Variants in ADGRV1 observed in about 807,000 individuals in gnomAD.
ADGRV1 encodes the protein adhesion G protein-coupled receptor V1, also known as G-protein coupled receptor 98.
Under a neutral mutation model 596.2 loss-of-function variants are expected in ADGRV1, and 359 were observed. The ratio of observed to expected loss-of-function variants is 0.60; its 90% CI spans 0.55 to 0.66. The LOEUF is 0.66. ADGRV1 is among the 30% of genes least tolerant of loss of function. The probability of loss-of-function intolerance (pLI) is 0.00; values close to 1 mark genes in which losing one functional copy is unlikely to be tolerated. For missense variants in ADGRV1, 7,274 were observed against 7,575.6 expected, an observed-to-expected ratio of 0.96 and a Z score of 1.48; for synonymous variants, 2,681 against 2,679.2, an observed-to-expected ratio of 1.00 and a Z score of -0.02.
intron 9 of ADGRV1, chr5:90,629,749 A>C (rs1315140522): frequency 2.4e-6 from 1 of 418,968 alleles, no homozygotes; most frequent in Non-Finnish European, 4.2e-6. Context: ...ACCAAAGTTA[A>C]TATTTTAATT....
chr5:90,723,419 T>G (rs897426979), intron 45 of ADGRV1, among the ~76,000 whole-genome samples: 3 of 152,132 alleles, frequency 2.0e-5, no homozygotes, highest in Admixed American at 6.5e-5. Flanking sequence ...AAAAAGAAAG[T>G]CTGGTTTCTA....
intron 1 of ADGRV1, among the ~76,000 whole-genome samples, chr5:90,559,842 G>A (rs1208862591): frequency 6.6e-6 from 1 of 151,806 alleles, no homozygotes; most frequent in African/African-American, 2.4e-5. Flanking sequence ...TTCTCCCTTT[G>A]TGTGTCATTT....
intron 49 of ADGRV1, 77 bp from the exon 50 acceptor site, chr5:90,729,565 A>G: frequency 1.8e-6 from 2 of 1,093,594 alleles, no homozygotes; most frequent in Non-Finnish European, 2.6e-6. Context: ...TATTTTTATT[A>G]TAGTTTTATT....
intron 83 of ADGRV1, among the ~76,000 whole-genome samples, chr5:90,924,722 A>C (rs1774246141): frequency 6.6e-6 from 1 of 152,130 alleles, no homozygotes; most frequent in Non-Finnish European, 1.5e-5. Flanking sequence ...CTGTGTCCTG[A>C]ATGGTAATGC....
intron 1 of ADGRV1, among the ~76,000 whole-genome samples, chr5:90,601,791 TGGGTA>T (rs956085466): frequency 1.3e-5 from 2 of 152,196 alleles, no homozygotes; most frequent in Non-Finnish European, 2.9e-5. Context: ...GTCTAAATTC[TGGGTA>T]ACAGTTTATA....
At chr5:90,691,149 T>G in intron 31 of ADGRV1, 108 bp downstream of exon 31, 1 of 1,357,012 alleles carries the variant, frequency 7.4e-7, no homozygotes, top group Non-Finnish European at 1.1e-6. Context: ...AATAAATTAT[T>G]CCTGCAAGAA....
intron 33 of ADGRV1, 94 bp from the exon 34 acceptor site, chr5:90,696,843 A>G: frequency 1.2e-6 from 1 of 834,920 alleles, no homozygotes; most frequent in Non-Finnish European, 1.8e-6. Context: ...ATTTTTATTT[A>G]ACTTTTAAAC....
chr5:91,139,472 C>A (rs1359442131), intron 87 of ADGRV1, among the ~76,000 whole-genome samples: 1 of 152,160 alleles, frequency 6.6e-6, no homozygotes. Flanking sequence ...GGAAAGCACA[C>A]CACCCTAGTC....
chr5:90,806,807 A>G (rs1761941726), intron 72 of ADGRV1, among the ~76,000 whole-genome samples: 1 of 152,130 alleles, frequency 6.6e-6, no homozygotes. Flanking sequence ...TGGAAAGTAC[A>G]GTGAACACCC....
In ADGRV1 at chr5:90,651,475, A is replaced by G. The variant is rs1315521801; in HGVS notation, c.3290-129A>G. 4 of 714,404 alleles carry G rather than the reference A, an allele frequency of 5.6e-6. No individual in the cohort carries two copies. In the East Asian group the frequency reaches 1.2e-4, roughly 21 times the overall value. The allele number at this position is 714,404 out of a possible 1,614,324, so 44.3% of individuals were successfully genotyped here. A position where few individuals can be genotyped will look rare whatever the true frequency, so the allele number is the denominator to read the frequency against. ...TGGAGCAGTATTTTGCATTTATTAT[A>G]TGACCTTCAGTGAGGAAATTCTTGC... On this transcript the variant is annotated intron_variant, in intron 17 of 89. Transcript: ENST00000405460.
chr5:90,635,004 T>A, intron 9 of ADGRV1, 110 bp from the exon 10 acceptor site: 1 of 630,920 alleles, frequency 1.6e-6, no homozygotes, highest in Non-Finnish European at 2.7e-6. Context: ...ATTGCGAAGT[T>A]ATTGGTGACC....
At chr5:90,914,119 T>C (rs1370675961) in intron 83 of ADGRV1, among the ~76,000 whole-genome samples, 1 of 152,176 alleles carries the variant, frequency 6.6e-6, no homozygotes, top group Non-Finnish European at 1.5e-5. Flanking sequence ...CAGAAATATT[T>C]TGGATGTGGG....
At chr5:91,126,784 G>T (rs1793797392) in intron 87 of ADGRV1, among the ~76,000 whole-genome samples, 1 of 152,122 alleles carries the variant, frequency 6.6e-6, no homozygotes, top group South Asian at 2.1e-4. Flanking sequence ...CTGTGAAATG[G>T]CTCTGTCATT....
At chr5:91,082,650 A>G (rs561698824) in intron 86 of ADGRV1, among the ~76,000 whole-genome samples, 78 of 152,286 alleles carry the variant, frequency 5.1e-4, no homozygotes, top group African/African-American at 1.8e-3. Context: ...GTATGTATAA[A>G]ACTTGACTAG....
intron 82 of ADGRV1, among the ~76,000 whole-genome samples, chr5:90,863,187 A>G (rs1014088276): frequency 2.6e-5 from 4 of 152,232 alleles, no homozygotes; most frequent in African/African-American, 7.2e-5. Flanking sequence ...AAAATCTAAC[A>G]TTAAAAGAAA....
At chr5:90,830,595 T>C (rs1470756227) in intron 77 of ADGRV1, among the ~76,000 whole-genome samples, 1 of 152,174 alleles carries the variant, frequency 6.6e-6, no homozygotes, top group Non-Finnish European at 1.5e-5. Context: ...TATTTATTTA[T>C]ATGTTTTCTA....
intron 85 of ADGRV1, among the ~76,000 whole-genome samples, chr5:90,989,678 C>T (rs1780805606): frequency 6.6e-6 from 1 of 152,168 alleles, no homozygotes; most frequent in Admixed American, 6.5e-5. Flanking sequence ...CTTTTGTTAC[C>T]TTCAAGGTTG....
rs962366447 is a variant in ADGRV1 at position 90,679,702 on chromosome 5, A to G, written c.5524+73A>G. ...ACTTCTCATTTTAGAGACAATACTA[A>G]CCACTTATTGACACCTACTATGTGT... On this transcript the variant is annotated intron_variant, in intron 26 of 89. Coordinates refer to ENST00000405460, the MANE Select transcript of ADGRV1 (RefSeq NM_032119.4). The G allele has an allele frequency of 1.0e-5, 10 of 976,958 alleles. No homozygotes were observed. In the African/African-American group the frequency reaches 1.6e-4, roughly 16 times the overall value. The allele number at this position is 976,958 out of a possible 1,614,324, so 60.5% of individuals were successfully genotyped here. A position where few individuals can be genotyped will look rare whatever the true frequency, so the allele number is the denominator to read the frequency against.
chr5:90,685,773 C>CT lies in ADGRV1; in HGVS notation c.6275-4dup. The CT allele has an allele frequency of 6.3e-7, 1 of 1,597,626 alleles. No homozygotes were observed. The highest frequency in any genetic ancestry group is 8.5e-7 in the Non-Finnish European group (1 of 1,173,298). On this transcript the variant is annotated splice_region_variant and splice_polypyrimidine_tract_variant and intron_variant, in intron 28 of 89. Coordinates refer to ENST00000405460, the MANE Select transcript of ADGRV1 (RefSeq NM_032119.4). ...TCTGTGTTCTGTGTGGATCTTCTGT[C>CT]TTTCAGTTCCAAATTCTCCACGTCT...
Sources: gnomAD v4.1 joint callset for allele counts (sites outside exome capture counted in the v4.1 genomes callset) on GRCh38, gnomAD v4.1.1 for gene constraint, MANE v1.5 for transcripts, NCBI Gene and HGNC (gene_info 2026-07-23, HGNC 2026-07-21) for gene names.